Variants in NBEA observed in about 807,000 individuals in gnomAD.
NBEA encodes lysosomal-trafficking regulator 2.
In NBEA, 44 loss-of-function variants were observed where a neutral mutation model predicts 343.4. The observed-to-expected ratio is 0.13, with a 90% CI of 0.10 to 0.16. The LOEUF (loss-of-function observed/expected upper bound fraction) is 0.16, where lower values mean the gene tolerates loss of function less well. Among genes scored for constraint, NBEA ranks in the 10% least tolerant of loss-of-function variants. The probability of loss-of-function intolerance (pLI) is 1.00; values close to 1 mark genes in which losing one functional copy is unlikely to be tolerated. For synonymous variants in NBEA, 1,175 were observed against 1,238.7 expected (o/e 0.95, Z 1.08); for missense variants, 2,555 against 3,631.3 (o/e 0.70, Z 7.62).
chr13:35,390,058 AT>A (rs1248512473), intron 38 of NBEA, among the ~76,000 whole-genome samples: 2 of 147,306 alleles, frequency 1.4e-5, no homozygotes, highest in Non-Finnish European at 1.5e-5. Context: ...TTTGTATAAT[AT>A]TTTTTCTAAG....
chr13:35,625,751 A>G (rs1258471116), intron 48 of NBEA, among the ~76,000 whole-genome samples: 1 of 152,208 alleles, frequency 6.6e-6, no homozygotes, highest in Non-Finnish European at 1.5e-5. Context: ...ACCAACAAGC[A>G]TATTAAAAAG....
chr13:35,185,032 G>A (rs1049642660), intron 30 of NBEA, among the ~76,000 whole-genome samples: 1 of 152,130 alleles, frequency 6.6e-6, no homozygotes, highest in African/African-American at 2.4e-5. Context: ...CTCTGTAAAA[G>A]AAGAGAGTTT....
intron 33 of NBEA, among the ~76,000 whole-genome samples, chr13:35,216,162 G>A (rs1368240414): frequency 2.6e-5 from 4 of 151,312 alleles, no homozygotes; most frequent in Non-Finnish European, 5.9e-5. Context: ...TATTTTTAGA[G>A]TGTTTTTTTT....
intron 11 of NBEA, among the ~76,000 whole-genome samples, chr13:35,104,153 T>C (rs575927329): frequency 9.3e-4 from 141 of 152,000 alleles, no homozygotes; most frequent in Admixed American, 1.7e-3. Context: ...ACTTCCCCCA[T>C]TGTTTCCATC....
At chr13:35,526,271 T>G (rs1052882258) in intron 41 of NBEA, among the ~76,000 whole-genome samples, 3 of 152,202 alleles carry the variant, frequency 2.0e-5, no homozygotes, top group Non-Finnish European at 4.4e-5. Context: ...CCAACCAATG[T>G]CATGTACTCA....
chr13:35,246,455 G>A (rs1245874661), intron 34 of NBEA, among the ~76,000 whole-genome samples: 2 of 152,158 alleles, frequency 1.3e-5, no homozygotes, highest in Non-Finnish European at 2.9e-5. Flanking sequence ...CTGCTGTTCA[G>A]ATTCTTTTGT....
intron 51 of NBEA, among the ~76,000 whole-genome samples, chr13:35,649,388 A>C (rs1490261831): frequency 6.6e-6 from 1 of 152,138 alleles, no homozygotes; most frequent in African/African-American, 2.4e-5. Context: ...CATTGTGGTG[A>C]TATTTGAATT....
chr13:35,613,249 C>A (rs1389636314), intron 48 of NBEA, among the ~76,000 whole-genome samples: 1 of 150,922 alleles, frequency 6.6e-6, no homozygotes, highest in Admixed American at 6.6e-5. Context: ...CTCACTACTT[C>A]TATGAGTTTG....
chr13:34,972,150 C>T (rs1257703479), intron 1 of NBEA, among the ~76,000 whole-genome samples: 12 of 151,976 alleles, frequency 7.9e-5, no homozygotes, highest in East Asian at 3.9e-4. Context: ...TAATATTCTC[C>T]GATGGTTGTT....
intron 34 of NBEA, among the ~76,000 whole-genome samples, chr13:35,262,614 A>G (rs1555349902): frequency 6.6e-6 from 1 of 152,138 alleles, no homozygotes; most frequent in Non-Finnish European, 1.5e-5. Context: ...TTTGGGGGAA[A>G]TTCTCAAAAT....
intron 17 of NBEA, among the ~76,000 whole-genome samples, chr13:35,131,010 A>G (rs983793948): frequency 6.6e-6 from 1 of 152,130 alleles, no homozygotes; most frequent in Non-Finnish European, 1.5e-5. Context: ...GTGAATATTT[A>G]TATTAAAAGC....
Position 35,196,170 on chromosome 13 carries a change from A to C in NBEA, c.5234A>C (p.Glu1745Ala). The change falls in exon 31 of 59, where the codon GAA (glutamate) becomes GCA (alanine). Residue 1745 changes from glutamate (E) to alanine (A), a missense_variant. By Grantham distance (107) the Glu-to-Ala change is moderately radical. Coordinates refer to ENST00000379939, the MANE Select transcript of NBEA (RefSeq NM_001385012.1). ...ISQTKGINVK[E>A]ILKSLVAAPV... ...CAAACCAAAGGCATCAATGTGAAGG[A>C]AATACTGAAAAGTCTTGTGGCTGCT... is the stretch of plus-strand genomic sequence containing the variant. The C allele has an allele frequency of 6.2e-7, 1 of 1,613,694 alleles. No homozygotes were observed.
At position 35,196,437 on chromosome 13, in the gene NBEA, G is replaced by A. The variant is rs946163422; in HGVS notation, c.5366+135G>A. On this transcript the variant is annotated intron_variant, in intron 31 of 58. Coordinates refer to ENST00000379939, the MANE Select transcript of NBEA (RefSeq NM_001385012.1). ...TATTACAAAGACAATCAAAATGATG[G>A]CTCAACCTAATCTTATAATAAGACA... 6 of 837,638 alleles carry A rather than the reference G, an allele frequency of 7.2e-6. No individual in the cohort carries two copies. In the African/African-American group the frequency reaches 1.0e-4, roughly 14 times the overall value. The allele number at this position is 837,638 out of a possible 1,614,324, so 51.9% of individuals were successfully genotyped here. A position where few individuals can be genotyped will look rare whatever the true frequency, so the allele number is the denominator to read the frequency against.
In NBEA at chr13:35,064,529, A is replaced by G. The variant is rs9592875; in HGVS notation, c.1240-5379A>G. ...GAAAATACAGTTAATTTGTTTTTGC[A>G]TATGTTATCTTCATTCTCCATCTTG... On this transcript the variant is annotated intron_variant, in intron 8 of 58. Coordinates refer to ENST00000379939, the MANE Select transcript of NBEA (RefSeq NM_001385012.1). 9.7e-3 allele frequency among the ~76,000 whole-genome samples: 1,478 copies of G among 152,166 alleles called. 20 individuals carry two copies. Among genetic ancestry groups the G allele is most frequent in the African/African-American group, 0.034 (1,425 of 41,528 alleles).
At chr13:35,114,985 AAGT>A (rs2066424061) in intron 13 of NBEA, among the ~76,000 whole-genome samples, 1 of 152,082 alleles carries the variant, frequency 6.6e-6, no homozygotes, top group Admixed American at 6.6e-5. Context: ...TCGCCTTGAG[AAGT>A]AGGATATTTT....
At chr13:35,284,186 G>C (rs1309594325) in intron 34 of NBEA, among the ~76,000 whole-genome samples, 1 of 152,218 alleles carries the variant, frequency 6.6e-6, no homozygotes, top group Non-Finnish European at 1.5e-5. Context: ...TTACTATCAG[G>C]ACCTTTACAG....
chr13:35,481,506 G>A (rs552328231), intron 41 of NBEA, among the ~76,000 whole-genome samples: 16 of 151,638 alleles, frequency 1.1e-4, no homozygotes, highest in Non-Finnish European at 1.9e-4. Flanking sequence ...ATTTTTTATT[G>A]TTCAGCATAA....
At chr13:35,425,242 G>T (rs2044576662) in intron 38 of NBEA, among the ~76,000 whole-genome samples, 1 of 152,044 alleles carries the variant, frequency 6.6e-6, no homozygotes. Context: ...TGATGTTAGG[G>T]TGTCAATTTT....
At chr13:35,410,360 A>G (rs1016582914) in intron 38 of NBEA, among the ~76,000 whole-genome samples, 1 of 152,180 alleles carries the variant, frequency 6.6e-6, no homozygotes, top group Non-Finnish European at 1.5e-5. Context: ...ATTTTTCAAG[A>G]ACTTCACCAA....
Sources: allele counts gnomAD v4.1 joint callset (sites outside exome capture counted in the v4.1 genomes callset), GRCh38; gene constraint gnomAD v4.1.1; transcripts MANE v1.5; gene names NCBI Gene and HGNC (gene_info 2026-07-23, HGNC 2026-07-21).